The following CDKL4 variants were observed in gnomAD, a reference collection of about 807,000 sequenced individuals.
The protein encoded by CDKL4 is cyclin-dependent kinase-like 4.
Under a neutral mutation model 42.0 loss-of-function variants are expected in CDKL4, and 44 were observed. The observed-to-expected ratio is 1.05, with a 90% CI of 0.82 to 1.35. The LOEUF (loss-of-function observed/expected upper bound fraction) is 1.35, where lower values mean the gene tolerates loss of function less well. CDKL4 is among the 40% of genes most tolerant of loss of function. CDKL4 has a pLI of 0.00. For synonymous variants in CDKL4, 120 were observed against 121.6 expected, an observed-to-expected ratio of 0.99 and a Z score of 0.09; for missense variants, 393 against 369.9, an observed-to-expected ratio of 1.06 and a Z score of -0.51.
In CDKL4 at chr2:39,185,415, CAT is replaced by C. The variant is rs1256972307; in HGVS notation, c.736-770_736-769del. ...GTATATATACATATGTGTATATATA[CAT>C]ATATATATACATATGTATATATACA... On this transcript the variant is annotated intron_variant, in intron 7 of 9. Coordinates refer to ENST00000451199, the Ensembl canonical transcript of CDKL4. 1.7e-3 allele frequency among the ~76,000 whole-genome samples: 11 copies of C among 6,364 alleles called. 3 individuals are homozygous for C. The highest frequency in any genetic ancestry group is 3.1e-3 in the Admixed American group (2 of 644). 4.2% of individuals were successfully genotyped at this position (6,364 alleles called of 152,430 possible).
At chr2:39,172,388 C>T (rs148052961), downstream of CDKL4, among the ~76,000 whole-genome samples, 1 of 151,672 alleles carries the variant, frequency 6.6e-6, no homozygotes, top group Non-Finnish European at 1.5e-5. Flanking sequence ...TGCTGAAGAG[C>T]AACTGTTGTT....
At chr2:39,245,603 G>A (rs1470020513), upstream of CDKL4, among the ~76,000 whole-genome samples, 1 of 152,186 alleles carries the variant, frequency 6.6e-6, no homozygotes, top group African/African-American at 2.4e-5. Flanking sequence ...GAGCGCTCAG[G>A]AAACATTTCA....
chr2:39,227,009 C>G (rs1014104503), intron 2 of CDKL4, among the ~76,000 whole-genome samples: 2 of 152,106 alleles, frequency 1.3e-5, no homozygotes, highest in Non-Finnish European at 2.9e-5. Context: ...TGGTCTCAAA[C>G]TGCTGACCTC....
At chr2:39,211,887 T>C (rs1005909953) in intron 4 of CDKL4, among the ~76,000 whole-genome samples, 2 of 152,132 alleles carry the variant, frequency 1.3e-5, no homozygotes, top group Non-Finnish European at 2.9e-5. Context: ...ATATGAAGTG[T>C]ACAGCACCAC....
chr2:39,173,594 G>A (rs1675057885), downstream of CDKL4, among the ~76,000 whole-genome samples: 2 of 152,224 alleles, frequency 1.3e-5, no homozygotes, highest in Admixed American at 1.3e-4. Context: ...CGGATCACGA[G>A]GTCAGAAGAT....
intron 3 of CDKL4, among the ~76,000 whole-genome samples, chr2:39,215,638 A>C (rs1294534098): frequency 6.6e-6 from 1 of 152,216 alleles, no homozygotes. Context: ...TTAAAAATTG[A>C]ACATGTGCAG....
intron 2 of CDKL4, among the ~76,000 whole-genome samples, chr2:39,226,336 T>G (rs1678710486): frequency 6.7e-6 from 1 of 149,908 alleles, no homozygotes; most frequent in Non-Finnish European, 1.5e-5. Flanking sequence ...TGACTCCCAG[T>G]AATACTTGTT....
At chr2:39,185,209 TATATATAC>T (rs1227386544) in intron 7 of CDKL4, among the ~76,000 whole-genome samples, 2 of 16,254 alleles carry the variant, frequency 1.2e-4, no homozygotes. Context: ...TACACATACG[TATATATAC>T]ATATATACAC....
At chr2:39,220,579 G>T (rs1182505683) in intron 3 of CDKL4, among the ~76,000 whole-genome samples, 3 of 151,856 alleles carry the variant, frequency 2.0e-5, no homozygotes, top group Non-Finnish European at 4.4e-5. Flanking sequence ...ACTTATTCGA[G>T]ATTCTGGTTT....
chr2:39,203,301 G>T (rs945285330), intron 5 of CDKL4, among the ~76,000 whole-genome samples: 8 of 152,146 alleles, frequency 5.3e-5, no homozygotes, highest in African/African-American at 1.9e-4. Context: ...CCAGCCCATG[G>T]AGAAAAATCC....
chr2:39,194,185 C>T (rs1676369361), intron 5 of CDKL4, among the ~76,000 whole-genome samples: 1 of 152,068 alleles, frequency 6.6e-6, no homozygotes, highest in Non-Finnish European at 1.5e-5. Flanking sequence ...TGGCTGGGCA[C>T]GGTGGCTCAC....
intron 1 of CDKL4, among the ~76,000 whole-genome samples, chr2:39,234,889 A>G (rs1237920426): frequency 2.0e-5 from 3 of 151,194 alleles, no homozygotes; most frequent in South Asian, 2.1e-4. Context: ...CATTTAAAAA[A>G]AATTTTTTTT....
chr2:39,242,532 G>A (rs1379455885), intron 1 of CDKL4, among the ~76,000 whole-genome samples: 2 of 152,134 alleles, frequency 1.3e-5, no homozygotes, highest in African/African-American at 4.8e-5. Flanking sequence ...ATACTTGAGT[G>A]GCTCACTAAA....
Position 39,182,899 on chromosome 2 carries a change from C to T in CDKL4, c.792+1692G>A, listed in dbSNP as rs529955143. On this transcript the variant is annotated intron_variant, in intron 8 of 9. Coordinates refer to ENST00000451199, the Ensembl canonical transcript of CDKL4. ...TCCTTGACTCTGCCATTGCCAAATA[C>T]GCCATCCACCTGAGCAGTCCCTGCA... 7.2e-5 allele frequency among the ~76,000 whole-genome samples: 11 copies of T among 152,330 alleles called. No homozygotes were observed. The South Asian group carries it at 8.3e-4, about 11-fold the overall frequency.
intron 5 of CDKL4, among the ~76,000 whole-genome samples, chr2:39,198,221 C>A: frequency 6.9e-6 from 1 of 145,018 alleles, no homozygotes; most frequent in South Asian, 2.2e-4. Flanking sequence ...TTTAAAGCAA[C>A]AGCAGTTAAA....
intron 5 of CDKL4, among the ~76,000 whole-genome samples, chr2:39,203,292 C>T (rs1181133591): frequency 6.6e-6 from 1 of 152,158 alleles, no homozygotes; most frequent in African/African-American, 2.4e-5. Flanking sequence ...GAAGCTTTGC[C>T]AGCCCATGGA....
intron 5 of CDKL4, 126 bp from the exon 6 acceptor site, chr2:39,190,628 T>C (rs1676129581): frequency 4.2e-6 from 3 of 714,850 alleles, no homozygotes; most frequent in Non-Finnish European, 7.1e-6. Context: ...GGTTAATGCA[T>C]TGAGGCACTA....
At chr2:39,181,827 A>G (rs948862587) in intron 8 of CDKL4, among the ~76,000 whole-genome samples, 2 of 152,206 alleles carry the variant, frequency 1.3e-5, no homozygotes, top group African/African-American at 4.8e-5. Flanking sequence ...AACCTTGCCA[A>G]GAGTTTTCAG....
chr2:39,234,034 C>T (rs1292235853), intron 1 of CDKL4, among the ~76,000 whole-genome samples: 1 of 151,560 alleles, frequency 6.6e-6, no homozygotes, highest in South Asian at 2.1e-4. Context: ...CTGCCTCCGC[C>T]TCCTGAATAG....
Sources: gnomAD v4.1 joint callset for allele counts (sites outside exome capture counted in the v4.1 genomes callset) on GRCh38, gnomAD v4.1.1 for gene constraint, MANE v1.5 for transcripts, NCBI Gene and HGNC (gene_info 2026-07-23, HGNC 2026-07-21) for gene names.